The following SARS2 variants were observed in gnomAD, a reference collection of about 807,000 sequenced individuals.
SARS2 encodes serine--tRNA ligase, mitochondrial.
In SARS2, 52 loss-of-function variants were observed where a neutral mutation model predicts 66.8. The ratio of observed to expected loss-of-function variants is 0.78; its 90% CI spans 0.62 to 0.98. The LOEUF (loss-of-function observed/expected upper bound fraction) is 0.98, where lower values mean the gene tolerates loss of function less well. SARS2 is among the 50% of genes least tolerant of loss of function. The pLI, the probability that SARS2 is intolerant of heterozygous loss-of-function variation, is 0.00. For missense variants in SARS2, 673 were observed against 706.3 expected (o/e 0.95, Z 0.53); for synonymous variants, 306 against 281.4 (o/e 1.09, Z -0.87).
At position 38,920,279 on chromosome 19, in the gene SARS2, G is replaced by A. The variant is rs1011224184; in HGVS notation, c.590-130C>T. 12 of 751,450 alleles carry A rather than the reference G, an allele frequency of 1.6e-5. No individual in the cohort carries two copies. The East Asian group carries it at 2.7e-4, about 17-fold the overall frequency. 46.5% of individuals were successfully genotyped at this position (751,450 alleles called of 1,614,324 possible). A position where few individuals can be genotyped will look rare whatever the true frequency, so the allele number is the denominator to read the frequency against. ...TAAAGGAGGGGCAGGAGGAGAGAAG[G>A]GAGAAGAAGACACGGAAAGGGAGGG... is the stretch of plus-strand genomic sequence containing the variant. On this transcript the variant is annotated intron_variant, in intron 5 of 15. Transcript: ENST00000221431.
intron 2 of SARS2, among the ~76,000 whole-genome samples, chr19:38,922,669 C>T (rs369946706): frequency 1.6e-4 from 25 of 152,052 alleles, no homozygotes; most frequent in Admixed American, 1.0e-3. Context: ...GGGAGGTGAT[C>T]GGGTCCTGGG....
At chr19:38,923,320 C>T (rs1242736533) in intron 2 of SARS2, among the ~76,000 whole-genome samples, 1 of 139,132 alleles carries the variant, frequency 7.2e-6, no homozygotes, top group Non-Finnish European at 1.5e-5. Flanking sequence ...CTCCCGGGTT[C>T]ACGCCATTCT....
rs1974390312 is a variant in SARS2, at chr19:38,915,405, C to CA, written c.*200dup. ...ACGTCCTGCTTCCCACTGGGACCCT[C>CA]AATGATAACAGGGTCAGTGACTGAC... On this transcript the variant is annotated 3_prime_UTR_variant, in exon 16 of 16. Coordinates refer to ENST00000221431, the MANE Select transcript of SARS2 (RefSeq NM_017827.4). The CA allele has an allele frequency of 3.3e-6, 2 of 610,746 alleles. No homozygotes were observed. The highest frequency in any genetic ancestry group is 5.8e-6 in the Non-Finnish European group (2 of 345,912). 37.8% of individuals were successfully genotyped at this position (610,746 alleles called of 1,614,324 possible).
chr19:38,922,708 T>C (rs1974559525), intron 2 of SARS2, among the ~76,000 whole-genome samples: 1 of 152,228 alleles, frequency 6.6e-6, no homozygotes, highest in South Asian at 2.1e-4. Context: ...GTTATCCTGA[T>C]AGTGAGTTCT....
rs1974451104 is a variant in SARS2 at position 38,918,092 on chromosome 19, A to C, written c.962+2T>G. 1.2e-6 allele frequency: 2 copies of C among 1,606,776 alleles called. No individual in the cohort carries two copies. The highest frequency in any genetic ancestry group is 1.7e-6 in the Non-Finnish European group (2 of 1,176,804). On this transcript the variant is annotated splice_donor_variant, in intron 10 of 15. Transcript: ENST00000221431. LOFTEE classifies it high-confidence loss of function. ...TCAAGGTCTAAGGAAACCAGGTGTCACCTGACTGGCAGGTCCCTGAAGGCC... is the reference window on the plus strand; with the variant it reads ...TCAAGGTCTAAGGAAACCAGGTGTCCCCTGACTGGCAGGTCCCTGAAGGCC...
chr19:38,919,459 G>A (rs893030847), intron 7 of SARS2, among the ~76,000 whole-genome samples: 7 of 152,106 alleles, frequency 4.6e-5, no homozygotes, highest in African/African-American at 1.2e-4. Context: ...CCTTTATACC[G>A]CAAGCAGGCA....
chr19:38,928,696 C>T (rs1334935146), intron 1 of SARS2, among the ~76,000 whole-genome samples: 3 of 152,114 alleles, frequency 2.0e-5, no homozygotes, highest in Non-Finnish European at 2.9e-5. Context: ...ATATTCTGGT[C>T]CCCTACTTGG....
intron 5 of SARS2, 31 bp downstream of exon 5, chr19:38,921,361 T>G: frequency 6.2e-7 from 1 of 1,611,098 alleles, no homozygotes; most frequent in Non-Finnish European, 8.5e-7. Context: ...CCGCAGGGCT[T>G]GTCAGCTCCC....
intron 1 of SARS2, among the ~76,000 whole-genome samples, chr19:38,926,932 A>ATTTT (rs771202609): frequency 2.2e-5 from 3 of 138,968 alleles, no homozygotes; most frequent in Non-Finnish European, 4.7e-5. Flanking sequence ...CCTCTAAGAA[A>ATTTT]TTTTTTTTTT....
In SARS2 at chr19:38,921,680, C is replaced by T. The variant is rs1299788944; in HGVS notation, c.394-13G>A. The T allele has an allele frequency of 1.2e-6, 2 of 1,613,726 alleles. No homozygotes were observed. Among genetic ancestry groups the T allele is most frequent in the Non-Finnish European group, 1.7e-6 (2 of 1,179,936 alleles). ...GGTACTTGGGGTCCTGGGGGCAGCA[C>T]AGGTGGGCTCAGCCCGGGAGAGGGT... On this transcript the variant is annotated splice_polypyrimidine_tract_variant and intron_variant, in intron 3 of 15. Transcript: ENST00000221431.
Position 38,918,411 on chromosome 19 carries a change from C to T in SARS2, c.916+11G>A, listed in dbSNP as rs1017302120. The T allele has an allele frequency of 1.9e-6, 3 of 1,607,978 alleles. No individual in the cohort carries two copies. Among genetic ancestry groups the T allele is most frequent in the East Asian group, 2.2e-5 (1 of 44,850 alleles). The stretch of plus-strand genomic sequence containing the variant: ...CTCCTGCTCCTCCCCACCACCCACA[C>T]AGGTCCTCACCTGCAAGCCCCACCT... On this transcript the variant is annotated intron_variant, in intron 9 of 15. Coordinates refer to ENST00000221431, the MANE Select transcript of SARS2 (RefSeq NM_017827.4).
At position 38,930,749 on chromosome 19, in the gene SARS2, A is replaced by T. The variant is rs747270180; in HGVS notation, c.-13T>A. ...TGGACGCAGCCATCTTGGACCGGGA[A>T]CAAGGCGGCACTTCGTCCCGCCCAC... On this transcript the variant is annotated 5_prime_UTR_variant, in exon 1 of 16. Coordinates refer to ENST00000221431, the MANE Select transcript of SARS2 (RefSeq NM_017827.4). The T allele has an allele frequency of 1.9e-6, 3 of 1,611,048 alleles. No individual in the cohort carries two copies. In the South Asian group the frequency reaches 3.3e-5, roughly 18 times the overall value.
chr19:38,918,206 G>GATTA, intron 9 of SARS2, 67 bp from the exon 10 acceptor site: 10 of 1,513,104 alleles, frequency 6.6e-6, no homozygotes, highest in Non-Finnish European at 9.0e-6. Context: ...GGAAGATTAA[G>GATTA]AGGCACTCCC....
At chr19:38,918,384 C>A in intron 9 of SARS2, 38 bp downstream of exon 9, 1 of 1,569,290 alleles carries the variant, frequency 6.4e-7, no homozygotes, top group South Asian at 1.1e-5. Context: ...CCTTCCACAT[C>A]ACTCCTGCTC....
intron 9 of SARS2, 81 bp downstream of exon 9, chr19:38,918,341 C>T (rs1308879802): frequency 3.3e-5 from 44 of 1,331,332 alleles, no homozygotes; most frequent in Non-Finnish European, 4.2e-5. Context: ...GGCAGGTGAT[C>T]CCCCCCAGTG....
chr19:38,920,461 G>A (rs1288239182), intron 5 of SARS2, among the ~76,000 whole-genome samples: 1 of 151,912 alleles, frequency 6.6e-6, no homozygotes, highest in Non-Finnish European at 1.5e-5. Flanking sequence ...ACACCACGAG[G>A]AAGGGAGGAG....
At chr19:38,918,725 G>C in intron 8 of SARS2, 41 bp downstream of exon 8, 7 of 1,552,174 alleles carry the variant, frequency 4.5e-6, no homozygotes, top group Non-Finnish European at 6.1e-6. Flanking sequence ...GGCAGGGCCT[G>C]ACACCCAGGT....
chr19:38,917,684 C>G (rs1974441339), intron 12 of SARS2, 40 bp downstream of exon 12: 1 of 1,020,644 alleles, frequency 9.8e-7, no homozygotes, highest in Non-Finnish European at 1.5e-6. Flanking sequence ...CTCCCCTACC[C>G]CACCCCTGCC....
At chr19:38,927,621 C>T (rs917287924) in intron 1 of SARS2, among the ~76,000 whole-genome samples, 4 of 152,002 alleles carry the variant, frequency 2.6e-5, no homozygotes, top group Admixed American at 6.6e-5. Flanking sequence ...AACTGCCATA[C>T]GGTTTTCCAT....
Sources: allele counts gnomAD v4.1 joint callset (sites outside exome capture counted in the v4.1 genomes callset), GRCh38; gene constraint gnomAD v4.1.1; transcripts MANE v1.5; gene names NCBI Gene and HGNC (gene_info 2026-07-23, HGNC 2026-07-21).